Variants in KCNK2 observed in about 807,000 individuals in gnomAD.
KCNK2 encodes the protein potassium channel subfamily K member 2.
KCNK2 carries 21 observed loss-of-function variants against 40.5 expected under a neutral mutation model. That is an observed-to-expected ratio of 0.52 (90% confidence interval 0.37 to 0.75). The LOEUF (loss-of-function observed/expected upper bound fraction) is 0.75. Ranked by LOEUF, KCNK2 falls within the 30% of genes least tolerant of loss-of-function variation. The probability of loss-of-function intolerance (pLI) is 0.00; values close to 1 mark genes in which losing one functional copy is unlikely to be tolerated. For missense variants in KCNK2, 399 were observed against 531.6 expected, an observed-to-expected ratio of 0.75 and a Z score of 2.45; for synonymous variants, 191 against 202.2, an observed-to-expected ratio of 0.94 and a Z score of 0.47.
intron 2 of KCNK2, among the ~76,000 whole-genome samples, chr1:215,123,400 CTTAT>C (rs1661280688): frequency 6.7e-6 from 1 of 149,776 alleles, no homozygotes; most frequent in South Asian, 2.1e-4. Flanking sequence ...TTTGTATTTT[CTTAT>C]TTTTTTTTTT....
intron 1 of KCNK2, among the ~76,000 whole-genome samples, chr1:215,030,199 C>A (rs1354992400): frequency 6.6e-6 from 1 of 152,184 alleles, no homozygotes; most frequent in Non-Finnish European, 1.5e-5. Context: ...ATTTGTGTAT[C>A]TTCTCTGATG....
At chr1:215,088,011 A>C (rs1458539115) in intron 2 of KCNK2, among the ~76,000 whole-genome samples, 2 of 152,196 alleles carry the variant, frequency 1.3e-5, no homozygotes, top group East Asian at 3.9e-4. Context: ...GTTCACTTAT[A>C]TACTGAATTC....
At chr1:215,206,451 T>C (rs1665317372) in intron 6 of KCNK2, among the ~76,000 whole-genome samples, 1 of 152,206 alleles carries the variant, frequency 6.6e-6, no homozygotes, top group Non-Finnish European at 1.5e-5. Context: ...CCAAGTACTA[T>C]AAAATCTATT....
chr1:215,171,920 G>GTCTCTC, intron 4 of KCNK2, 77 bp from the exon 5 acceptor site: 3 of 885,184 alleles, frequency 3.4e-6, no homozygotes, highest in Non-Finnish European at 3.3e-6. Context: ...CTCTCTCTTT[G>GTCTCTC]TCTCTCTCTC....
At chr1:215,150,374 T>G (rs1662634006) in intron 3 of KCNK2, among the ~76,000 whole-genome samples, 1 of 152,192 alleles carries the variant, frequency 6.6e-6, no homozygotes, top group Non-Finnish European at 1.5e-5. Context: ...AGGGTGAATT[T>G]TTTTTCTCTG....
At chr1:215,210,739 C>T (rs569420922) in intron 6 of KCNK2, among the ~76,000 whole-genome samples, 42 of 152,028 alleles carry the variant, frequency 2.8e-4, no homozygotes, top group African/African-American at 8.7e-4. Context: ...AGGGTAGATA[C>T]GGTAATAGAG....
intron 2 of KCNK2, among the ~76,000 whole-genome samples, chr1:215,110,432 T>C (rs151179682): frequency 3.9e-5 from 6 of 152,128 alleles, no homozygotes; most frequent in African/African-American, 1.4e-4. Flanking sequence ...TTTTGGTGTG[T>C]ATATCAAATT....
chr1:215,060,653 G>A (rs975508748), intron 1 of KCNK2, among the ~76,000 whole-genome samples: 6 of 152,128 alleles, frequency 3.9e-5, no homozygotes, highest in African/African-American at 1.2e-4. Flanking sequence ...CTACATGCCC[G>A]GGAGCAGTGT....
chr1:215,197,545 T>C (rs1468251817), intron 6 of KCNK2, among the ~76,000 whole-genome samples: 4 of 152,176 alleles, frequency 2.6e-5, no homozygotes, highest in Admixed American at 2.6e-4. Context: ...CCCCACTTTT[T>C]TGACCTCATT....
At chr1:215,209,295 A>ATAAT (rs1558139749) in intron 6 of KCNK2, among the ~76,000 whole-genome samples, 12 of 97,914 alleles carry the variant, frequency 1.2e-4, no homozygotes, top group African/African-American at 5.2e-4. Flanking sequence ...TTTTATATAT[A>ATAAT]ATATATATTA....
chr1:215,050,277 C>G (rs576155929), intron 1 of KCNK2, among the ~76,000 whole-genome samples: 2 of 152,114 alleles, frequency 1.3e-5, no homozygotes, highest in African/African-American at 4.8e-5. Context: ...ATTTTAATGT[C>G]AGTTTCTACA....
At chr1:215,049,506 G>T (rs12066174) in intron 1 of KCNK2, among the ~76,000 whole-genome samples, 3 of 151,978 alleles carry the variant, frequency 2.0e-5, no homozygotes, top group Non-Finnish European at 4.4e-5. Flanking sequence ...GATGAGGTCC[G>T]ATTTATTAAT....
chr1:215,078,801 CTG>C (rs1387132647), upstream of KCNK2, among the ~76,000 whole-genome samples: 4 of 152,138 alleles, frequency 2.6e-5, no homozygotes, highest in Non-Finnish European at 5.9e-5. Context: ...GATGAGAAAA[CTG>C]ATGTTCAGAA....
intron 2 of KCNK2, among the ~76,000 whole-genome samples, chr1:215,112,716 T>G (rs574248923): frequency 5.9e-5 from 9 of 152,176 alleles, no homozygotes; most frequent in Non-Finnish European, 1.3e-4. Context: ...TGTTTCCATA[T>G]GCTTAGATAC....
At chr1:215,191,240 C>T (rs1664651794) in intron 5 of KCNK2, among the ~76,000 whole-genome samples, 1 of 150,550 alleles carries the variant, frequency 6.6e-6, no homozygotes, top group African/African-American at 2.4e-5. Flanking sequence ...AGCCGAAATG[C>T]ACCACTGCAC....
intron 3 of KCNK2, among the ~76,000 whole-genome samples, chr1:215,144,312 T>G (rs1662318606): frequency 6.6e-6 from 1 of 152,112 alleles, no homozygotes; most frequent in Non-Finnish European, 1.5e-5. Flanking sequence ...TCGATGCCCC[T>G]TAATGGTTTT....
chr1:215,116,788 T>G (rs1266986909), intron 2 of KCNK2, among the ~76,000 whole-genome samples: 3 of 152,040 alleles, frequency 2.0e-5, no homozygotes, highest in African/African-American at 7.2e-5. Context: ...AATAAATATA[T>G]TTTGACTCAT....
At chr1:215,047,903 T>C (rs1482185983) in intron 1 of KCNK2, among the ~76,000 whole-genome samples, 2 of 152,192 alleles carry the variant, frequency 1.3e-5, no homozygotes, top group Admixed American at 6.5e-5. Flanking sequence ...TTTCACACAC[T>C]GTGCAGAGTT....
chr1:215,028,517 C>T (rs1657074996), intron 1 of KCNK2, among the ~76,000 whole-genome samples: 1 of 152,044 alleles, frequency 6.6e-6, no homozygotes, highest in African/African-American at 2.4e-5. Context: ...TTCTTAATTT[C>T]CTCTTTCTAC....
Sources: gnomAD v4.1 joint callset for allele counts (sites outside exome capture counted in the v4.1 genomes callset) on GRCh38, gnomAD v4.1.1 for gene constraint, MANE v1.5 for transcripts, NCBI Gene and HGNC (gene_info 2026-07-23, HGNC 2026-07-21) for gene names.